MRM2: variants seen among roughly 807,000 people sequenced by gnomAD.
MRM2 encodes the protein mitochondrial rRNA methyltransferase 2, also known as rRNA methyltransferase 2, mitochondrial.
In MRM2, 15 loss-of-function variants were observed where a neutral mutation model predicts 10.9. The ratio of observed to expected loss-of-function variants is 1.37; its 90% CI spans 0.92 to 2.11. The LOEUF is 2.11. Ranked by LOEUF, MRM2 falls within the 30% of genes most tolerant of loss-of-function variation. The pLI is 0.00. For missense variants in MRM2, 328 were observed against 321.3 expected, an observed-to-expected ratio of 1.02 and a Z score of -0.16; for synonymous variants, 139 against 128.7, an observed-to-expected ratio of 1.08 and a Z score of -0.54.
Position 2,234,833 on chromosome 7 carries a change from CCA to C in MRM2, c.*287_*288del, listed in dbSNP as rs1794388181. The C allele has an allele frequency of 2.3e-6, 1 of 431,696 alleles. No individual in the cohort carries two copies. The highest frequency in any genetic ancestry group is 4.2e-6 in the Non-Finnish European group (1 of 238,090). 26.7% of individuals were successfully genotyped at this position (431,696 alleles called of 1,614,324 possible). A position where few individuals can be genotyped will look rare whatever the true frequency, so the allele number is the denominator to read the frequency against. ...CTCGGCGGATTCCTTCTGATCCTTC[CCA>C]CAGTCTGTTTTTCTCCATCCTTCCA... On this transcript the variant is annotated 3_prime_UTR_variant, in exon 3 of 3. Coordinates refer to ENST00000242257, the MANE Select transcript of MRM2 (RefSeq NM_013393.3).
rs1193473481 is a variant in MRM2 at position 2,234,420 on chromosome 7, T to C, written c.*702A>G. ...TCTTCCCTAATTGTTCCGGGAACTT[T>C]TGCTGCTTGAAGAATGCGTGAATTG... On this transcript the variant is annotated 3_prime_UTR_variant, in exon 3 of 3. Transcript: ENST00000242257. 4 of 152,274 alleles carry C rather than the reference T, an allele frequency of 2.6e-5. No individual in the cohort carries two copies. Among genetic ancestry groups the C allele is most frequent in the Non-Finnish European group, 5.9e-5 (4 of 68,080 alleles). The allele number at this position is 152,274 out of a possible 1,614,324, so 9.4% of individuals were successfully genotyped here. A position where few individuals can be genotyped will look rare whatever the true frequency, so the allele number is the denominator to read the frequency against.
intron 1 of MRM2, among the ~76,000 whole-genome samples, chr7:2,239,999 G>C (rs746919502): frequency 6.6e-6 from 1 of 152,166 alleles, no homozygotes; most frequent in Non-Finnish European, 1.5e-5. Context: ...GATCCCCTGA[G>C]GTCAGGATTT....
rs569327762 is a variant in MRM2, at chr7:2,236,082, T to C, written c.299-518A>G. Among the ~76,000 whole-genome samples, 3 of 152,118 alleles carry C rather than the reference T, an allele frequency of 2.0e-5. No individual in the cohort carries two copies. The South Asian group carries it at 6.2e-4, about 32-fold the overall frequency. On this transcript the variant is annotated intron_variant, in intron 2 of 2. Coordinates refer to ENST00000242257, the MANE Select transcript of MRM2 (RefSeq NM_013393.3). ...CCATCTCTACTAAAAATACAAAAAT[T>C]AGGCAGGCGTGGTGGCACGTGCCTG... is the stretch of plus-strand genomic sequence containing the variant.
At chr7:2,239,363 T>A in intron 2 of MRM2, 55 bp downstream of exon 2, 1 of 1,552,116 alleles carries the variant, frequency 6.4e-7, no homozygotes, top group Non-Finnish European at 8.8e-7. Context: ...AGCTTGCCCA[T>A]GCCCACTCAG....
At chr7:2,236,541 T>C (rs867283562) in intron 2 of MRM2, among the ~76,000 whole-genome samples, 2 of 152,078 alleles carry the variant, frequency 1.3e-5, no homozygotes, top group African/African-American at 4.8e-5. Context: ...AATATAAAAA[T>C]TAGCTGTAGT....
At position 2,239,290 on chromosome 7, in the gene MRM2, AC is replaced by A. The variant is rs1426703273; in HGVS notation, c.298+127del. 48 of 923,564 alleles carry A rather than the reference AC, an allele frequency of 5.2e-5. No homozygotes were observed. In the African/African-American group the frequency reaches 6.5e-4, roughly 12 times the overall value. The allele number at this position is 923,564 out of a possible 1,614,324, so 57.2% of individuals were successfully genotyped here. ...TTTTTATCATCACCATTGCTAAACC[AC>A]CCACTCGGAAGCACACGCCTTCAAA... On this transcript the variant is annotated intron_variant, in intron 2 of 2. Coordinates refer to ENST00000242257, the MANE Select transcript of MRM2 (RefSeq NM_013393.3).
In MRM2 at chr7:2,239,668, C is replaced by T; in HGVS notation, c.48G>A (p.Gly16=). 6.2e-7 allele frequency: 1 copy of T among 1,613,824 alleles called. No individual in the cohort carries two copies. Among genetic ancestry groups the T allele is most frequent in the Non-Finnish European group, 8.5e-7 (1 of 1,179,850 alleles). ...KLVCVSFQRQ[G]FHTVGSRCKN... ...TGCAGCGACTCCCAACAGTGTGGAACCCTTGACGCTGAAAGGAAACACACA... is the reference window on the plus strand; with the variant it reads ...TGCAGCGACTCCCAACAGTGTGGAATCCTTGACGCTGAAAGGAAACACACA... Residue 16 remains glycine, a synonymous_variant, in exon 2 of 3, where the codon GGG becomes GGA. Transcript: ENST00000242257.
chr7:2,240,283 A>G, intron 1 of MRM2: 1 of 456,014 alleles, frequency 2.2e-6, no homozygotes, highest in Non-Finnish European at 4.4e-6. Context: ...ATCTGGCAAA[A>G]ATGTTCATTG....
Position 2,235,307 on chromosome 7 carries a change from G to T in MRM2, c.556C>A (p.Gln186Lys). 3 of 1,614,096 alleles carry T rather than the reference G, an allele frequency of 1.9e-6. No individual in the cohort carries two copies. The highest frequency in any genetic ancestry group is 2.5e-6 in the Non-Finnish European group (3 of 1,179,978). ...TTACAAAGGAATGTCCCCCCAGGTT[G>T]CAGGATGTCTGGGGTCACGCTGAGA... ...TLLSVTPDIL[Q>K]PGGTFLCKTW... is the part of the protein sequence containing the mutation. The change falls in exon 3 of 3, where the codon CAA becomes AAA. Residue 186 changes from glutamine to lysine, a missense_variant. Gln to Lys is a moderately conservative substitution (Grantham distance 53). Coordinates refer to ENST00000242257, the MANE Select transcript of MRM2 (RefSeq NM_013393.3).
In MRM2 at chr7:2,234,873, T is replaced by C. The variant is rs539229879; in HGVS notation, c.*249A>G. ...CTCCATCCTTCCATCCTCACCTCTT[T>C]CTCTTGATAACTTTCTCTTCCCAAA... On this transcript the variant is annotated 3_prime_UTR_variant, in exon 3 of 3. Coordinates refer to ENST00000242257, the MANE Select transcript of MRM2 (RefSeq NM_013393.3). The C allele has an allele frequency of 1.1e-3, 580 of 512,992 alleles. 15 individuals are homozygous for C. In the South Asian group the frequency reaches 0.013, roughly 12 times the overall value. The allele number at this position is 512,992 out of a possible 1,614,324, so 31.8% of individuals were successfully genotyped here.
chr7:2,240,040 T>G (rs1365453720), intron 1 of MRM2, among the ~76,000 whole-genome samples: 2 of 152,078 alleles, frequency 1.3e-5, no homozygotes, highest in South Asian at 2.1e-4. Flanking sequence ...GTGGCCAACA[T>G]GATGAAACCC....
intron 1 of MRM2, chr7:2,240,206 A>C (rs1794495029): frequency 2.2e-6 from 1 of 446,554 alleles, no homozygotes; most frequent in African/African-American, 2.0e-5. Flanking sequence ...TGGGCGACAG[A>C]GCGAGACTCT....
intron 1 of MRM2, among the ~76,000 whole-genome samples, chr7:2,241,650 T>G (rs1010232769): frequency 6.6e-6 from 1 of 152,194 alleles, no homozygotes; most frequent in Non-Finnish European, 1.5e-5. Flanking sequence ...GTTACCACCC[T>G]CATGGCTCCA....
chr7:2,239,644 G>A lies in MRM2; in HGVS notation c.72C>T (p.Cys24=). ...GGTGCTCAGCGCCTGTCCGATTCTT[G>A]CAGCGACTCCCAACAGTGTGGAACC... ...RQGFHTVGSR[C]KNRTGAEHLW... Residue 24 remains cysteine (C), a synonymous_variant, in exon 2 of 3, where the codon TGC becomes TGT. Coordinates refer to ENST00000242257, the MANE Select transcript of MRM2 (RefSeq NM_013393.3). 6.2e-7 allele frequency: 1 copy of A among 1,614,048 alleles called. No homozygotes were observed. The highest frequency in any genetic ancestry group is 1.3e-5 in the African/African-American group (1 of 75,052).
At chr7:2,235,863 G>A (rs1445254105) in intron 2 of MRM2, among the ~76,000 whole-genome samples, 1 of 152,188 alleles carries the variant, frequency 6.6e-6, no homozygotes, top group Non-Finnish European at 1.5e-5. Flanking sequence ...TCCAAATCTG[G>A]TATCATTTCA....
chr7:2,236,997 CAA>C (rs1794430550), intron 2 of MRM2, among the ~76,000 whole-genome samples: 3 of 151,810 alleles, frequency 2.0e-5, no homozygotes, highest in Admixed American at 6.5e-5. Flanking sequence ...TGGTGTTACT[CAA>C]ATATCAGCAA....
Position 2,239,475 on chromosome 7 carries a change from C to G in MRM2, c.241G>C (p.Ala81Pro). The change falls in exon 2 of 3, where the codon GCA becomes CCA. Residue 81 changes from alanine (A) to proline (P), a missense_variant. Coordinates refer to ENST00000242257, the MANE Select transcript of MRM2 (RefSeq NM_013393.3). ...RPGLRVLDCGAAPGAWSQVAV... is the reference protein window; with the variant it reads ...RPGLRVLDCGPAPGAWSQVAV... The stretch of plus-strand genomic sequence containing the variant: ...ACCTGACTCCAGGCCCCAGGAGCTG[C>G]CCCACAGTCTAACACCCGAAGGCCG... The G allele has an allele frequency of 6.2e-7, 1 of 1,613,722 alleles. No homozygotes were observed. Among genetic ancestry groups the G allele is most frequent in the South Asian group, 1.1e-5 (1 of 91,064 alleles).
chr7:2,237,148 AG>A (rs1429055731), intron 2 of MRM2, among the ~76,000 whole-genome samples: 2 of 152,212 alleles, frequency 1.3e-5, no homozygotes, highest in East Asian at 3.8e-4. Context: ...CTAGGACCAC[AG>A]GAACATGCCA....
chr7:2,241,504 A>G (rs1174068535), intron 1 of MRM2, among the ~76,000 whole-genome samples: 4 of 147,260 alleles, frequency 2.7e-5, no homozygotes, highest in Non-Finnish European at 6.0e-5. Context: ...ATCTCACTAC[A>G]TTGCCTAGGC....
Sources: gnomAD v4.1 joint callset for allele counts (sites outside exome capture counted in the v4.1 genomes callset) on GRCh38, gnomAD v4.1.1 for gene constraint, MANE v1.5 for transcripts, NCBI Gene and HGNC (gene_info 2026-07-23, HGNC 2026-07-21) for gene names.